The following PACRG variants were observed in gnomAD, a reference collection of about 807,000 sequenced individuals.
The protein encoded by PACRG is parkin coregulated gene protein.
In PACRG, 29 loss-of-function variants were observed where a neutral mutation model predicts 29.7. The ratio of observed to expected loss-of-function variants is 0.98; its 90% CI spans 0.73 to 1.33. The LOEUF is 1.33. Among genes scored for constraint, PACRG ranks in the 40% most tolerant of loss-of-function variants. PACRG has a pLI of 0.00. For synonymous variants in PACRG, 116 were observed against 118.7 expected (o/e 0.98, Z 0.15); for missense variants, 279 against 316.2 (o/e 0.88, Z 0.89).
chr6:162,901,876 T>C (rs1375392697), intron 2 of PACRG, among the ~76,000 whole-genome samples: 1 of 152,248 alleles, frequency 6.6e-6, no homozygotes, highest in Non-Finnish European at 1.5e-5. Flanking sequence ...TTTGCCACAA[T>C]GGCAGGATCG....
At chr6:163,259,841 C>T (rs1783254564) in intron 4 of PACRG, among the ~76,000 whole-genome samples, 1 of 152,208 alleles carries the variant, frequency 6.6e-6, no homozygotes, top group Admixed American at 6.5e-5. Context: ...GGAGACCTCC[C>T]ATCCGCCCCG....
chr6:162,863,656 C>G (rs573933219), intron 2 of PACRG, among the ~76,000 whole-genome samples: 1 of 152,286 alleles, frequency 6.6e-6, no homozygotes, highest in South Asian at 2.1e-4. Context: ...TGCGGCACAG[C>G]AGGCTACTTT....
At chr6:162,947,341 TAATGATTAC>T (rs1323490695) in intron 2 of PACRG, among the ~76,000 whole-genome samples, 1 of 61,492 alleles carries the variant, frequency 1.6e-5, no homozygotes, top group African/African-American at 5.7e-5. Flanking sequence ...ATCATATATA[TAATGATTAC>T]ATATATATAA....
chr6:163,107,888 T>C (rs1815472940), intron 4 of PACRG, among the ~76,000 whole-genome samples: 1 of 152,234 alleles, frequency 6.6e-6, no homozygotes, highest in African/African-American at 2.4e-5. Context: ...CCTAACATGT[T>C]GTTTGAAATT....
At chr6:163,046,875 G>T (rs1425621329) in intron 2 of PACRG, among the ~76,000 whole-genome samples, 3 of 152,124 alleles carry the variant, frequency 2.0e-5, no homozygotes, top group Non-Finnish European at 4.4e-5. Context: ...AGTATAAAGA[G>T]CTTTAACAAA....
At chr6:163,016,500 C>G (rs1806123139) in intron 2 of PACRG, among the ~76,000 whole-genome samples, 1 of 151,600 alleles carries the variant, frequency 6.6e-6, no homozygotes, top group African/African-American at 2.4e-5. Context: ...AAATTGATGA[C>G]AGATCTATTT....
rs183343853 is a variant in PACRG, at chr6:162,808,306, G to A, written c.157-5841G>A. 3.3e-5 allele frequency among the ~76,000 whole-genome samples: 5 copies of A among 152,314 alleles called. No homozygotes were observed. In the East Asian group the frequency reaches 9.6e-4, roughly 29 times the overall value. The stretch of plus-strand genomic sequence containing the variant: ...GGCGTTTTCATGAATCAGAATTTCA[G>A]ATTGAACCTGATGAAAACAAGTAAT... On this transcript the variant is annotated intron_variant, in intron 1 of 4. Transcript: ENST00000366888.
chr6:162,861,673 C>T (rs1053525283), intron 2 of PACRG, among the ~76,000 whole-genome samples: 47 of 152,194 alleles, frequency 3.1e-4, no homozygotes, highest in Non-Finnish European at 5.9e-5. Flanking sequence ...TCTCATTATA[C>T]ACATCTATTT....
intron 4 of PACRG, among the ~76,000 whole-genome samples, chr6:163,107,546 C>A (rs1279181644): frequency 6.6e-6 from 1 of 152,168 alleles, no homozygotes; most frequent in Non-Finnish European, 1.5e-5. Flanking sequence ...TTTGCAACAG[C>A]TTAACTAATA....
chr6:162,759,089 G>A (rs1461215075), intron 1 of PACRG, among the ~76,000 whole-genome samples: 1 of 152,202 alleles, frequency 6.6e-6, no homozygotes, highest in African/African-American at 2.4e-5. Flanking sequence ...TCTGAATAAA[G>A]TGGGTGGAGG....
intron 2 of PACRG, among the ~76,000 whole-genome samples, chr6:163,004,321 G>A (rs1475139757): frequency 6.6e-6 from 1 of 151,640 alleles, no homozygotes; most frequent in Non-Finnish European, 1.5e-5. Flanking sequence ...TCATACTGCT[G>A]TAAAGAACTG....
intron 2 of PACRG, among the ~76,000 whole-genome samples, chr6:162,985,153 T>TTG (rs1802776516): frequency 1.3e-5 from 2 of 152,084 alleles, no homozygotes; most frequent in Non-Finnish European, 2.9e-5. Context: ...CCAATCATAT[T>TTG]GACACTATTC....
intron 2 of PACRG, among the ~76,000 whole-genome samples, chr6:163,014,618 A>G (rs1805919394): frequency 6.6e-6 from 1 of 151,438 alleles, no homozygotes; most frequent in Admixed American, 6.6e-5. Context: ...TGACATGAGC[A>G]TTTTTTCAGG....
chr6:162,973,682 T>G (rs569130018), intron 2 of PACRG, among the ~76,000 whole-genome samples: 146 of 152,340 alleles, frequency 9.6e-4, no homozygotes, highest in African/African-American at 3.4e-3. Flanking sequence ...TACTAAGTCA[T>G]TGTTTCAATA....
upstream of PACRG, chr6:162,727,320 A>AGGGGCGGCGGCGGGGCGAAGGTGC (rs1562531453): frequency 2.8e-6 from 1 of 359,780 alleles, no homozygotes. Flanking sequence ...GGCGAAGGTG[A>AGGGGCGGCGGCGGGGCGAAGGTGC]GGGGCGGCGG....
chr6:162,872,057 TC>T (rs1792868958), intron 2 of PACRG, among the ~76,000 whole-genome samples: 1 of 152,266 alleles, frequency 6.6e-6, no homozygotes. Flanking sequence ...TAATTTTGAT[TC>T]TAACAATAAC....
chr6:162,884,280 G>T (rs1484989722), intron 2 of PACRG, among the ~76,000 whole-genome samples: 1 of 152,020 alleles, frequency 6.6e-6, no homozygotes, highest in Non-Finnish European at 1.5e-5. Flanking sequence ...AGGCTAGAAG[G>T]TTCATCTATA....
At chr6:163,194,687 A>C (rs1205749295) in intron 4 of PACRG, among the ~76,000 whole-genome samples, 1 of 152,170 alleles carries the variant, frequency 6.6e-6, no homozygotes, top group African/African-American at 2.4e-5. Flanking sequence ...TGCTTCACTC[A>C]TCAAAATAGC....
At chr6:163,188,155 G>A (rs1780041814) in intron 4 of PACRG, among the ~76,000 whole-genome samples, 1 of 152,164 alleles carries the variant, frequency 6.6e-6, no homozygotes, top group South Asian at 2.1e-4. Flanking sequence ...CCACACACAG[G>A]ACTGGTTTGC....
Sources: gnomAD v4.1 joint callset for allele counts (sites outside exome capture counted in the v4.1 genomes callset) on GRCh38, gnomAD v4.1.1 for gene constraint, MANE v1.5 for transcripts, NCBI Gene and HGNC (gene_info 2026-07-23, HGNC 2026-07-21) for gene names.